The following SH3PXD2A variants were observed in gnomAD, a reference collection of about 807,000 sequenced individuals.
SH3PXD2A encodes SH3 and PX domain-containing protein 2A.
SH3PXD2A carries 32 observed loss-of-function variants against 115.2 expected under a neutral mutation model. The observed-to-expected ratio is 0.28, with a 90% CI of 0.21 to 0.37. The LOEUF is 0.37. Ranked by LOEUF, SH3PXD2A falls within the 10% of genes least tolerant of loss-of-function variation. SH3PXD2A has a pLI of 1.00. For synonymous variants in SH3PXD2A, 610 were observed against 629.1 expected (o/e 0.97, Z 0.45); for missense variants, 1,328 against 1,498.7 (o/e 0.89, Z 1.88).
chr10:103,621,817 G>C (rs1256447930), intron 10 of SH3PXD2A, among the ~76,000 whole-genome samples: 2 of 152,204 alleles, frequency 1.3e-5, no homozygotes, highest in African/African-American at 4.8e-5. Flanking sequence ...TGCTGGGCCT[G>C]GGGGGCTCCC....
At chr10:103,633,113 G>T (rs1017306805) in intron 8 of SH3PXD2A, among the ~76,000 whole-genome samples, 2 of 152,228 alleles carry the variant, frequency 1.3e-5, no homozygotes, top group Non-Finnish European at 2.9e-5. Context: ...GCCCAGGCTG[G>T]TGAGGATAAA....
intron 9 of SH3PXD2A, 83 bp from the exon 10 acceptor site, chr10:103,622,636 TGGGA>T: frequency 2.2e-6 from 1 of 465,028 alleles, no homozygotes; most frequent in Non-Finnish European, 4.0e-6. Context: ...GGGATGGGGG[TGGGA>T]GGAAGGGGCA....
At chr10:103,730,631 A>G (rs1271985397) in intron 4 of SH3PXD2A, among the ~76,000 whole-genome samples, 1 of 152,136 alleles carries the variant, frequency 6.6e-6, no homozygotes, top group African/African-American at 2.4e-5. Context: ...ATCTTAGTAC[A>G]TCAGGGCCTG....
chr10:103,825,485 T>C (rs1174873355), intron 1 of SH3PXD2A, among the ~76,000 whole-genome samples: 1 of 152,212 alleles, frequency 6.6e-6, no homozygotes, highest in Non-Finnish European at 1.5e-5. Flanking sequence ...TTTTCTTAAT[T>C]TCCTCTTTGA....
At chr10:103,713,042 T>C (rs1186492770) in intron 5 of SH3PXD2A, among the ~76,000 whole-genome samples, 3 of 152,328 alleles carry the variant, frequency 2.0e-5, no homozygotes, top group Admixed American at 6.5e-5. Flanking sequence ...ACGGCTTTAG[T>C]ACAGCATCAG....
At chr10:103,606,667 G>T (rs976989535) in intron 13 of SH3PXD2A, among the ~76,000 whole-genome samples, 1 of 152,124 alleles carries the variant, frequency 6.6e-6, no homozygotes, top group Non-Finnish European at 1.5e-5. Context: ...ACTGGTTTTC[G>T]TGTTTTTTTG....
chr10:103,705,954 G>A (rs573015336), intron 5 of SH3PXD2A, among the ~76,000 whole-genome samples: 1 of 151,314 alleles, frequency 6.6e-6, no homozygotes, highest in South Asian at 2.1e-4. Context: ...AGCCAAGATC[G>A]TGCCACTGCA....
intron 1 of SH3PXD2A, among the ~76,000 whole-genome samples, chr10:103,832,925 G>A (rs1325158467): frequency 6.6e-6 from 1 of 152,030 alleles, no homozygotes; most frequent in Non-Finnish European, 1.5e-5. Flanking sequence ...GAACCACCAG[G>A]TCACATGATA....
At chr10:103,785,509 C>T (rs1393729359) in intron 2 of SH3PXD2A, among the ~76,000 whole-genome samples, 1 of 152,174 alleles carries the variant, frequency 6.6e-6, no homozygotes, top group East Asian at 1.9e-4. Context: ...CCCCCGGGCA[C>T]AGCATGGCCC....
chr10:103,815,205 T>G (rs998824655), intron 1 of SH3PXD2A, among the ~76,000 whole-genome samples: 1 of 152,026 alleles, frequency 6.6e-6, no homozygotes, highest in African/African-American at 2.4e-5. Flanking sequence ...ATAAACAAAC[T>G]GGACTTCATC....
intron 1 of SH3PXD2A, among the ~76,000 whole-genome samples, chr10:103,839,896 G>A (rs1287183934): frequency 2.0e-5 from 3 of 152,260 alleles, no homozygotes; most frequent in African/African-American, 4.8e-5. Context: ...CTACAGGGCC[G>A]GAGAGGACAG....
intron 6 of SH3PXD2A, among the ~76,000 whole-genome samples, chr10:103,686,455 C>A (rs1424939147): frequency 6.6e-6 from 1 of 152,182 alleles, no homozygotes; most frequent in Admixed American, 6.5e-5. Context: ...CTCAAGAGAA[C>A]CCCTTGCTCT....
Position 103,724,373 on chromosome 10 carries a change from C to G in SH3PXD2A, c.307-12G>C, listed in dbSNP as rs747711627. On this transcript the variant is annotated splice_polypyrimidine_tract_variant and intron_variant, in intron 4 of 14. Coordinates refer to ENST00000369774, the MANE Select transcript of SH3PXD2A (RefSeq NM_001394015.1). ...AGCCGGACAAGTGCCTGTGGAGAGACAGGAAGAAAGGGCATTAGGTGTGAT... is the reference window on the plus strand; with the variant it reads ...AGCCGGACAAGTGCCTGTGGAGAGAGAGGAAGAAAGGGCATTAGGTGTGAT... The G allele has an allele frequency of 6.5e-7, 1 of 1,545,312 alleles. No individual in the cohort carries two copies.
rs1036074765 is a variant in SH3PXD2A, at chr10:103,603,756, C to T, written c.1462G>A (p.Val488Met). Reference sequence around the variant, plus strand: ...CAGCCCTCCTTCTCACCGATCTGCACGTACCACCAGCCACCTGAGTTCTTA... The same window carrying T: ...CAGCCCTCCTTCTCACCGATCTGCATGTACCACCAGCCACCTGAGTTCTTA... ...IDKNSGGWWYVQIGEKEGWAP... is the reference protein window; with the variant it reads ...IDKNSGGWWYMQIGEKEGWAP... Residue 488 changes from valine (V) to methionine (M), a missense_variant, in exon 15 of 15, where the codon GTG (valine) becomes ATG (methionine). By Grantham distance (21) the Val-to-Met change is conservative (BLOSUM62 1). Coordinates refer to ENST00000369774, the MANE Select transcript of SH3PXD2A (RefSeq NM_001394015.1). 6 of 1,610,350 alleles carry T rather than the reference C, an allele frequency of 3.7e-6. No homozygotes were observed. The highest frequency in any genetic ancestry group is 5.1e-6 in the Non-Finnish European group (6 of 1,179,908).
At chr10:103,835,650 T>C (rs900406419) in intron 1 of SH3PXD2A, among the ~76,000 whole-genome samples, 5 of 152,132 alleles carry the variant, frequency 3.3e-5, no homozygotes, top group African/African-American at 9.7e-5. Context: ...CTCAAGGACG[T>C]CCTGGTCTTT....
At chr10:103,690,070 C>A (rs926220932) in intron 6 of SH3PXD2A, among the ~76,000 whole-genome samples, 1 of 152,162 alleles carries the variant, frequency 6.6e-6, no homozygotes, top group Non-Finnish European at 1.5e-5. Flanking sequence ...CTCAGTTTGC[C>A]AAGGACTGTG....
At chr10:103,813,999 TA>T (rs781401560) in intron 1 of SH3PXD2A, among the ~76,000 whole-genome samples, 4,128 of 60,304 alleles carry the variant, frequency 0.068, 109 homozygotes, top group South Asian at 0.19. Flanking sequence ...CTGGACTAGC[TA>T]AAAAAAAAAA....
intron 3 of SH3PXD2A, among the ~76,000 whole-genome samples, chr10:103,740,852 A>C (rs2038437097): frequency 6.6e-6 from 1 of 151,572 alleles, no homozygotes; most frequent in South Asian, 2.1e-4. Flanking sequence ...TCCACCCAGC[A>C]CTGTCTTGAT....
At chr10:103,614,494 CA>C (rs1395579455) in intron 11 of SH3PXD2A, among the ~76,000 whole-genome samples, 1 of 152,048 alleles carries the variant, frequency 6.6e-6, no homozygotes, top group Non-Finnish European at 1.5e-5. Flanking sequence ...CAAAAGGAAA[CA>C]AAACCAAAAG....
Sources: gnomAD v4.1 joint callset for allele counts (sites outside exome capture counted in the v4.1 genomes callset) on GRCh38, gnomAD v4.1.1 for gene constraint, MANE v1.5 for transcripts, NCBI Gene and HGNC (gene_info 2026-07-23, HGNC 2026-07-21) for gene names.